The following KAT6B variants were observed in gnomAD, a reference collection of about 807,000 sequenced individuals.
KAT6B encodes the protein histone acetyltransferase KAT6B.
A neutral mutation model predicts 187.5 loss-of-function variants in KAT6B; 10 were observed. The ratio of observed to expected loss-of-function variants is 0.05; its 90% CI spans 0.03 to 0.09. KAT6B has a LOEUF of 0.09. Among genes scored for constraint, KAT6B ranks in the 10% least tolerant of loss-of-function variants. The probability of loss-of-function intolerance (pLI) is 1.00; values close to 1 mark genes in which losing one functional copy is unlikely to be tolerated. For missense variants in KAT6B, 1,952 were observed against 2,558.9 expected (o/e 0.76, Z 5.12); for synonymous variants, 861 against 926.8 (o/e 0.93, Z 1.29).
intron 15 of KAT6B, among the ~76,000 whole-genome samples, 155 bp downstream of exon 15, chr10:75,021,440 G>GT (rs1231057320): frequency 6.6e-6 from 1 of 152,162 alleles, no homozygotes; most frequent in Admixed American, 6.5e-5. Context: ...AGGTTGCATG[G>GT]TAAGACATGA....
At chr10:74,881,700 C>T (rs1589539794) in intron 3 of KAT6B, among the ~76,000 whole-genome samples, 1 of 152,160 alleles carries the variant, frequency 6.6e-6, no homozygotes, top group Non-Finnish European at 1.5e-5. Context: ...GTTGCCCAGG[C>T]TGGAGTGCAG....
At chr10:74,916,569 G>A (rs1185890307) in intron 3 of KAT6B, among the ~76,000 whole-genome samples, 1 of 152,126 alleles carries the variant, frequency 6.6e-6, no homozygotes, top group African/African-American at 2.4e-5. Context: ...TTATGGTGGT[G>A]GTTGAGAGTT....
At chr10:75,008,338 T>C (rs1033509749) in intron 13 of KAT6B, among the ~76,000 whole-genome samples, 1 of 152,198 alleles carries the variant, frequency 6.6e-6, no homozygotes, top group African/African-American at 2.4e-5. Context: ...GCTGAGCAGT[T>C]CTAAAATTTG....
intron 1 of KAT6B, among the ~76,000 whole-genome samples, chr10:74,831,510 T>G (rs573789585): frequency 7.2e-5 from 11 of 152,302 alleles, no homozygotes; most frequent in African/African-American, 2.6e-4. Context: ...ACCATTACAA[T>G]CTATTTTTGC....
intron 10 of KAT6B, among the ~76,000 whole-genome samples, chr10:74,979,759 G>GT: frequency 6.6e-6 from 1 of 152,184 alleles, no homozygotes; most frequent in Non-Finnish European, 1.5e-5. Flanking sequence ...TTATTTTCAA[G>GT]TTTTTAATAG....
intron 17 of KAT6B, chr10:75,025,986 C>G (rs1170561986): frequency 6.6e-6 from 1 of 152,160 alleles, no homozygotes; most frequent in Non-Finnish European, 1.5e-5. Flanking sequence ...ATGGCAAAAC[C>G]CCATCTCTAC....
At chr10:74,911,683 T>G (rs1847212608) in intron 3 of KAT6B, among the ~76,000 whole-genome samples, 1 of 152,178 alleles carries the variant, frequency 6.6e-6, no homozygotes, top group Non-Finnish European at 1.5e-5. Flanking sequence ...AATTAATACT[T>G]TGTAATATTT....
At chr10:74,933,574 A>G (rs1849031354) in intron 3 of KAT6B, among the ~76,000 whole-genome samples, 1 of 152,148 alleles carries the variant, frequency 6.6e-6, no homozygotes, top group African/African-American at 2.4e-5. Context: ...GTTTTCCCCC[A>G]ATAAGTGTTT....
intron 3 of KAT6B, among the ~76,000 whole-genome samples, chr10:74,899,177 A>G (rs1305602574): frequency 6.6e-6 from 1 of 151,238 alleles, no homozygotes; most frequent in South Asian, 2.1e-4. Flanking sequence ...AAAAAATAGT[A>G]TCAATGAATT....
intron 13 of KAT6B, among the ~76,000 whole-genome samples, chr10:75,009,920 G>A (rs1356060240): frequency 1.3e-5 from 2 of 152,206 alleles, no homozygotes; most frequent in Non-Finnish European, 2.9e-5. Context: ...AGAATCACTT[G>A]AACCCGGGAG....
chr10:74,993,931 G>A (rs904170509), intron 13 of KAT6B, among the ~76,000 whole-genome samples: 1 of 152,142 alleles, frequency 6.6e-6, no homozygotes, highest in African/African-American at 2.4e-5. Flanking sequence ...ACTGGGTTAA[G>A]GTGGTAACTG....
chr10:75,022,075 A>G lies in KAT6B; in HGVS notation c.3216A>G (p.Glu1072=), dbSNP rs776709807. Residue 1072 remains glutamate, a synonymous_variant, in exon 16 of 18, where the codon GAA becomes GAG. Coordinates refer to ENST00000287239, the MANE Select transcript of KAT6B (RefSeq NM_012330.4). ...LELSKESSEE[E]EEEEDEEEEE... is the part of the protein sequence containing the mutation. The stretch of plus-strand genomic sequence containing the variant: ...TGTCTAAAGAGAGCAGTGAAGAAGA[A>G]GAGGAGGAGGAGGACGAGGAGGAGG... 5.6e-5 allele frequency: 90 copies of G among 1,613,476 alleles called. No homozygotes were observed. The highest frequency in any genetic ancestry group is 3.3e-4 in the Middle Eastern group (2 of 6,082).
chr10:75,029,365 A>G lies in KAT6B; in HGVS notation c.4541A>G (p.Lys1514Arg), dbSNP rs774963101. 1.2e-6 allele frequency: 2 copies of G among 1,614,082 alleles called. No homozygotes were observed. The highest frequency in any genetic ancestry group is 4.5e-5 in the East Asian group (2 of 44,890). Reference protein sequence around the residue: ...EEPPPGEQAQKQDQKNSKEVD... With the variant: ...EEPPPGEQAQRQDQKNSKEVD... Reference sequence around the variant, plus strand: ...CCACCCCCAGGAGAACAGGCACAGAAGCAGGACCAAAAGAACAGCAAGGAA... The same window carrying G: ...CCACCCCCAGGAGAACAGGCACAGAGGCAGGACCAAAAGAACAGCAAGGAA... The change falls in exon 18 of 18, where the codon AAG becomes AGG. Residue 1514 changes from lysine to arginine, a missense_variant. Transcript: ENST00000287239. The surrounding 1 kb of genome is among the most constrained non-coding windows in gnomAD (Gnocchi z 6.2).
chr10:74,914,455 A>G (rs1404290827), intron 3 of KAT6B, among the ~76,000 whole-genome samples: 3 of 152,164 alleles, frequency 2.0e-5, no homozygotes, highest in African/African-American at 7.2e-5. Context: ...GCTTATAACT[A>G]ATGTGGATTT....
chr10:75,007,633 T>C (rs1223581440), intron 13 of KAT6B, among the ~76,000 whole-genome samples: 2 of 152,236 alleles, frequency 1.3e-5, no homozygotes, highest in Non-Finnish European at 2.9e-5. Context: ...GGCAAACTTC[T>C]ATTTCTTGAT....
intron 6 of KAT6B, 125 bp from the exon 7 acceptor site, chr10:74,972,382 A>G: frequency 1.4e-6 from 1 of 706,982 alleles, no homozygotes; most frequent in Non-Finnish European, 2.4e-6. Context: ...GGAATGACGC[A>G]TTTTTTGGAG....
Position 74,976,340 on chromosome 10 carries a change from A to G in KAT6B, c.1993+10A>G. On this transcript the variant is annotated intron_variant, in intron 8 of 17. Coordinates refer to ENST00000287239, the MANE Select transcript of KAT6B (RefSeq NM_012330.4). ...CCTGATCAGGATGATGGTAAGCAAA[A>G]GGTCAAAGCTCCAACCAAACCTGCG... is the stretch of plus-strand genomic sequence containing the variant. 1 of 1,609,430 alleles carries G rather than the reference A, an allele frequency of 6.2e-7. No homozygotes were observed.
intron 3 of KAT6B, among the ~76,000 whole-genome samples, chr10:74,904,691 A>G (rs1412232441): frequency 6.6e-6 from 1 of 152,146 alleles, no homozygotes; most frequent in African/African-American, 2.4e-5. Flanking sequence ...TTGGGAGTCC[A>G]GGCTTGGTTG....
At position 74,976,330 on chromosome 10, in the gene KAT6B, G is replaced by A. The variant is rs1313158827; in HGVS notation, c.1993G>A (p.Asp665Asn). The A allele has an allele frequency of 6.2e-7, 1 of 1,611,910 alleles. No homozygotes were observed. Among genetic ancestry groups the A allele is most frequent in the East Asian group, 2.2e-5 (1 of 44,866 alleles). Residue 665 changes from aspartate to asparagine, a missense_variant and splice_region_variant, in exon 8 of 18, where the codon GAT becomes AAT. By Grantham distance (23) the Asp-to-Asn change is conservative. Coordinates refer to ENST00000287239, the MANE Select transcript of KAT6B (RefSeq NM_012330.4). ...DGRIKPDQDDDTEIKINIKQE... is the reference protein window; with the variant it reads ...DGRIKPDQDDNTEIKINIKQE... ...AAGGATTAAACCTGATCAGGATGATGGTAAGCAAAAGGTCAAAGCTCCAAC... is the reference window on the plus strand; with the variant it reads ...AAGGATTAAACCTGATCAGGATGATAGTAAGCAAAAGGTCAAAGCTCCAAC...
Sources: gnomAD v4.1 joint callset for allele counts (sites outside exome capture counted in the v4.1 genomes callset) on GRCh38, gnomAD v4.1.1 for gene constraint, Gnocchi (gnomAD v3.1) non-coding constraint, MANE v1.5 for transcripts, NCBI Gene and HGNC (gene_info 2026-07-23, HGNC 2026-07-21) for gene names.